SZT2: variants seen among roughly 807,000 people sequenced by gnomAD.
The protein encoded by SZT2 is KICSTOR complex protein SZT2.
In SZT2, 216 loss-of-function variants were observed where a neutral mutation model predicts 404.2. The observed-to-expected ratio is 0.53, with a 90% CI of 0.48 to 0.60. The LOEUF (loss-of-function observed/expected upper bound fraction) is 0.60, where lower values mean the gene tolerates loss of function less well. Ranked by LOEUF, SZT2 falls within the 20% of genes least tolerant of loss-of-function variation. SZT2 has a pLI of 0.00. For missense variants in SZT2, 3,857 were observed against 4,459.2 expected, an observed-to-expected ratio of 0.86 and a Z score of 3.85; for synonymous variants, 1,693 against 1,749.9, an observed-to-expected ratio of 0.97 and a Z score of 0.81.
In SZT2 at chr1:43,454,202, A is replaced by G. The variant is rs1171991655; in HGVS notation, c.*3722A>G. 1 of 228,980 alleles carries G rather than the reference A, an allele frequency of 4.4e-6. No individual in the cohort carries two copies. Among genetic ancestry groups the G allele is most frequent in the Non-Finnish European group, 7.4e-6 (1 of 136,046 alleles). 14.2% of individuals were successfully genotyped at this position (228,980 alleles called of 1,614,324 possible). On this transcript the variant is annotated 3_prime_UTR_variant, in exon 72 of 72. Coordinates refer to ENST00000634258, the MANE Select transcript of SZT2 (RefSeq NM_001365999.1). ...AAATGCTATCTGTTCGTTAAGCAAC[A>G]TTTGAAAGCTGTATGACCAAATAAA...
At chr1:43,436,870 GA>G in intron 42 of SZT2, 1 of 438,470 alleles carries the variant, frequency 2.3e-6, no homozygotes, top group Non-Finnish European at 4.1e-6. Flanking sequence ...GACAGGGTCA[GA>G]ATCTCTTGGC....
chr1:43,453,560 C>T lies in SZT2; in HGVS notation c.*3080C>T, dbSNP rs1480959644. 1 of 1,512,904 alleles carries T rather than the reference C, an allele frequency of 6.6e-7. No individual in the cohort carries two copies. Among genetic ancestry groups the T allele is most frequent in the Non-Finnish European group, 8.9e-7 (1 of 1,127,092 alleles). The allele number at this position is 1,512,904 out of a possible 1,614,324, so 93.7% of individuals were successfully genotyped here. ...CTCCCCTGCCCGCGCCCCGGCACCC[C>T]CCAGCCCTCCCAGCCCTCCCGGCCC... On this transcript the variant is annotated 3_prime_UTR_variant, in exon 72 of 72. Coordinates refer to ENST00000634258, the MANE Select transcript of SZT2 (RefSeq NM_001365999.1).
In SZT2 at chr1:43,430,123, A is replaced by C. The variant is rs754392065; in HGVS notation, c.4401+20A>C. 6.2e-7 allele frequency: 1 copy of C among 1,612,856 alleles called. No homozygotes were observed. The highest frequency in any genetic ancestry group is 1.1e-5 in the South Asian group (1 of 91,026). ...CGAGAAGTGAGTGGCTCTCTTCCTT[A>C]CCTCTCTCGTGCCCTCAACCCAGAG... is the stretch of plus-strand genomic sequence containing the variant. On this transcript the variant is annotated intron_variant, in intron 30 of 71. Transcript: ENST00000634258.
rs746338306 is a variant in SZT2 at position 43,437,639 on chromosome 1, C to T, written c.6335C>T (p.Ala2112Val). 3.8e-5 allele frequency: 62 copies of T among 1,613,900 alleles called. No individual in the cohort carries two copies. Among genetic ancestry groups the T allele is most frequent in the South Asian group, 3.0e-4 (27 of 91,070 alleles). The part of the protein sequence containing the change: ...SCSDRPWKGD[A>V]LPPSLALSRS... ...AGTGACCGGCCATGGAAAGGGGATGCGCTGCCCCCTTCCCTCGCTCTGTCC... is the reference window on the plus strand; with the variant it reads ...AGTGACCGGCCATGGAAAGGGGATGTGCTGCCCCCTTCCCTCGCTCTGTCC... The change falls in exon 45 of 72, where the codon GCG becomes GTG. Residue 2112 changes from alanine to valine, a missense_variant. This residue lies in a region of SZT2 where 261 missense variants were observed against 372.9 expected (regional missense o/e 0.70). Coordinates refer to ENST00000634258, the MANE Select transcript of SZT2 (RefSeq NM_001365999.1). The surrounding 1 kb of genome is among the most constrained non-coding windows in gnomAD (Gnocchi z 5.3).
At chr1:43,413,258 C>T (rs542465090) in intron 4 of SZT2, among the ~76,000 whole-genome samples, 1 of 152,186 alleles carries the variant, frequency 6.6e-6, no homozygotes, top group Non-Finnish European at 1.5e-5. Context: ...TGGCAGATGC[C>T]TGTAATCCCA....
intron 1 of SZT2, among the ~76,000 whole-genome samples, chr1:43,401,649 C>T (rs182534687): frequency 6.6e-6 from 1 of 151,976 alleles, no homozygotes; most frequent in Non-Finnish European, 1.5e-5. Context: ...CCACGCCTAG[C>T]TAATTTTTGT....
In SZT2 at chr1:43,420,009, G is replaced by A. The variant is rs1041894925; in HGVS notation, c.1090+65G>A. Reference sequence around the variant, plus strand: ...ATAGAATGGGCCCAGAGATGATGGGGCCCTGGAGGACTGAAAGTGTAACTG... The same window carrying A: ...ATAGAATGGGCCCAGAGATGATGGGACCCTGGAGGACTGAAAGTGTAACTG... On this transcript the variant is annotated intron_variant, in intron 8 of 71. Transcript: ENST00000634258. The surrounding 1 kb of genome is among the most constrained non-coding windows in gnomAD (Gnocchi z 5.1). The A allele has an allele frequency of 4.6e-5, 73 of 1,578,442 alleles. No individual in the cohort carries two copies. The highest frequency in any genetic ancestry group is 3.5e-4 in the Middle Eastern group (2 of 5,656).
Position 43,425,393 on chromosome 1 carries a change from C to A in SZT2, c.2646-81C>A. Reference sequence around the variant, plus strand: ...GCCTTGTATGACTCGTGGCTGTCCTCTGTGCCTGCCTCCTTCCCTCCATGA... The same window carrying A: ...GCCTTGTATGACTCGTGGCTGTCCTATGTGCCTGCCTCCTTCCCTCCATGA... On this transcript the variant is annotated intron_variant, in intron 18 of 71. Coordinates refer to ENST00000634258, the MANE Select transcript of SZT2 (RefSeq NM_001365999.1). This position sits in a 1 kb window ranked among gnomAD's most constrained non-coding sequence, Gnocchi z 4.3. The A allele has an allele frequency of 6.3e-7, 1 of 1,583,162 alleles. No homozygotes were observed.
rs143935839 is a variant in SZT2 at position 43,430,742 on chromosome 1, G to T, written c.4727G>T (p.Arg1576Leu). The T allele has an allele frequency of 1.9e-6, 3 of 1,612,696 alleles. No individual in the cohort carries two copies. The highest frequency in any genetic ancestry group is 1.1e-5 in the South Asian group (1 of 91,080). ...FLHLTCSVRLRGQHSSVPVCS... is the reference protein window; with the variant it reads ...FLHLTCSVRLLGQHSSVPVCS... ...CACCTCACGTGCTCCGTGCGGCTAC[G>T]TGGGCAGCACAGCTCAGTACCTGTG... is the stretch of plus-strand genomic sequence containing the variant. The change falls in exon 32 of 72, where the codon CGT becomes CTT. Residue 1576 changes from arginine to leucine, a missense_variant. Physicochemically the swap from Arg to Leu is moderately radical, Grantham distance 102. This residue lies in a region of SZT2 where 1,725 missense variants were observed against 1,881.0 expected (regional missense o/e 0.92). Coordinates refer to ENST00000634258, the MANE Select transcript of SZT2 (RefSeq NM_001365999.1).
In SZT2 at chr1:43,443,598, G is replaced by T. The variant is rs768708927; in HGVS notation, c.8627G>T (p.Arg2876Leu). The change falls in exon 62 of 72, where the codon CGG becomes CTG. Residue 2876 changes from arginine to leucine, a missense_variant and splice_region_variant. Around this residue, in one of 7 missense-constraint regions of SZT2, gnomAD observed 717 missense variants for 868.2 expected, o/e 0.83. Transcript: ENST00000634258. ...CTTCCTTGATCTTTACTCTCATAGC[G>T]GCGCCATCGCCCTGAGTCAGGGTCT... The part of the protein sequence containing the change: ...PETSGPPDGQ[R>L]RHRPESGSGS... 1.5e-5 allele frequency: 25 copies of T among 1,614,078 alleles called. No homozygotes were observed. The highest frequency in any genetic ancestry group is 2.1e-5 in the Non-Finnish European group (25 of 1,180,020).
At position 43,431,378 on chromosome 1, in the gene SZT2, T is replaced by C; in HGVS notation, c.5024+6T>C. On this transcript the variant is annotated splice_donor_region_variant and intron_variant, in intron 34 of 71. Coordinates refer to ENST00000634258, the MANE Select transcript of SZT2 (RefSeq NM_001365999.1). ...CCACCCCCAGAAGAGGAGAGGTACT[T>C]CTTTATCTCCCTGTCAGAGTTCATT... 6.2e-7 allele frequency: 1 copy of C among 1,612,164 alleles called. No individual in the cohort carries two copies. The highest frequency in any genetic ancestry group is 8.5e-7 in the Non-Finnish European group (1 of 1,178,206).
In SZT2 at chr1:43,452,718, C is replaced by T. The variant is rs1395669786; in HGVS notation, c.*2238C>T. ...AGCCTTTTCCCATCTGTTTTCTGCC[C>T]CCACCATTGACCAGTAGTGATCCCC... On this transcript the variant is annotated 3_prime_UTR_variant, in exon 72 of 72. Coordinates refer to ENST00000634258, the MANE Select transcript of SZT2 (RefSeq NM_001365999.1). 6.4e-6 allele frequency: 4 copies of T among 628,156 alleles called. No homozygotes were observed. The highest frequency in any genetic ancestry group is 1.1e-5 in the Non-Finnish European group (4 of 355,784). 38.9% of individuals were successfully genotyped at this position (628,156 alleles called of 1,614,324 possible).
intron 3 of SZT2, 41 bp downstream of exon 3, chr1:43,403,815 T>G (rs2153929701): frequency 6.2e-7 from 1 of 1,605,072 alleles, no homozygotes; most frequent in Non-Finnish European, 8.5e-7. Context: ...AAGGATGGGG[T>G]GGGGTGTGAG....
intron 1 of SZT2, among the ~76,000 whole-genome samples, chr1:43,396,913 A>T (rs1649062448): frequency 2.0e-5 from 3 of 152,236 alleles, no homozygotes; most frequent in African/African-American, 7.2e-5. Flanking sequence ...TCCATAAATG[A>T]TTGAAAGATG....
chr1:43,442,601 C>G lies in SZT2; in HGVS notation c.8134C>G (p.Pro2712Ala). ...CCATCATTATGGCCAGTTGGACTTC[C>G]CCGTGCGAGATGAAAAGGTGCCTGC... The part of the protein sequence containing the change: ...LFHHYGQLDF[P>A]VRDEKEPNPF... Residue 2712 changes from proline (P) to alanine (A), a missense_variant, in exon 58 of 72, where the codon CCC (proline) becomes GCC (alanine). By Grantham distance (27) the Pro-to-Ala change is conservative. Coordinates refer to ENST00000634258, the MANE Select transcript of SZT2 (RefSeq NM_001365999.1). This position sits in a 1 kb window ranked among gnomAD's most constrained non-coding sequence, Gnocchi z 4.5. 1 of 1,605,534 alleles carries G rather than the reference C, an allele frequency of 6.2e-7. No individual in the cohort carries two copies.
chr1:43,403,327 G>A (rs1169847601), intron 2 of SZT2, 25 bp downstream of exon 2: 2 of 1,607,240 alleles, frequency 1.2e-6, no homozygotes, highest in South Asian at 1.1e-5. Context: ...CACGAAAGGT[G>A]TGAGGGGCCA....
intron 39 of SZT2, 58 bp downstream of exon 39, chr1:43,432,857 G>A (rs964822764): frequency 6.9e-6 from 11 of 1,603,820 alleles, no homozygotes; most frequent in Admixed American, 3.3e-5. Flanking sequence ...GCTTAGGGCT[G>A]TACTGGGAAA....
In SZT2 at chr1:43,453,581, G is replaced by A. The variant is rs1202351190; in HGVS notation, c.*3101G>A. ...ACCCCCCAGCCCTCCCAGCCCTCCCGGCCCGCGACGCACCCGGGGGCGTGT... is the reference window on the plus strand; with the variant it reads ...ACCCCCCAGCCCTCCCAGCCCTCCCAGCCCGCGACGCACCCGGGGGCGTGT... On this transcript the variant is annotated 3_prime_UTR_variant, in exon 72 of 72. Transcript: ENST00000634258. 4 of 1,338,256 alleles carry A rather than the reference G, an allele frequency of 3.0e-6. No individual in the cohort carries two copies. Among genetic ancestry groups the A allele is most frequent in the Middle Eastern group, 2.0e-4 (1 of 4,956 alleles). The allele number at this position is 1,338,256 out of a possible 1,614,324, so 82.9% of individuals were successfully genotyped here.
chr1:43,431,721 C>A lies in SZT2; in HGVS notation c.5094C>A (p.Arg1698=). 6.2e-7 allele frequency: 1 copy of A among 1,614,112 alleles called. No individual in the cohort carries two copies. Among genetic ancestry groups the A allele is most frequent in the Non-Finnish European group, 8.5e-7 (1 of 1,179,984 alleles). ...LAIETTMNEI[R]WLLEDEMVGA... Reference sequence around the variant, plus strand: ...CACTTGCTGTCTAACTGTAGATCCGCTGGTTGTTGGAAGATGAGATGGTGG... The same window carrying A: ...CACTTGCTGTCTAACTGTAGATCCGATGGTTGTTGGAAGATGAGATGGTGG... The change falls in exon 36 of 72, where the codon CGC becomes CGA. Residue 1698 remains arginine, a synonymous_variant. Coordinates refer to ENST00000634258, the MANE Select transcript of SZT2 (RefSeq NM_001365999.1).
Sources: gnomAD v4.1 joint callset for allele counts (sites outside exome capture counted in the v4.1 genomes callset) on GRCh38, gnomAD v4.1.1 for gene constraint, gnomAD v4.1.1 regional missense constraint, Gnocchi (gnomAD v3.1) non-coding constraint, MANE v1.5 for transcripts, NCBI Gene and HGNC (gene_info 2026-07-23, HGNC 2026-07-21) for gene names.